Variants in UBAC2 observed in about 807,000 individuals in gnomAD.
UBAC2 encodes the protein ubiquitin-associated domain-containing protein 2.
Under a neutral mutation model 44.0 loss-of-function variants are expected in UBAC2, and 26 were observed. The ratio of observed to expected loss-of-function variants is 0.59; its 90% confidence interval spans 0.43 to 0.82. UBAC2 has a LOEUF of 0.82. Ranked by LOEUF, UBAC2 falls within the 40% of genes least tolerant of loss-of-function variation. UBAC2 has a pLI of 0.00. For synonymous variants in UBAC2, 155 were observed against 154.3 expected, an observed-to-expected ratio of 1.00 and a Z score of -0.04; for missense variants, 329 against 419.4, an observed-to-expected ratio of 0.78 and a Z score of 1.88.
intron 4 of UBAC2, chr13:99,294,551 T>A (rs1352203320): frequency 6.5e-6 from 1 of 152,990 alleles, no homozygotes; most frequent in Non-Finnish European, 1.5e-5. Flanking sequence ...TGCAGCATCC[T>A]GCTCTTTATT....
chr13:99,234,847 TG>T (rs2043216216), intron 1 of UBAC2, among the ~76,000 whole-genome samples: 2 of 152,140 alleles, frequency 1.3e-5, no homozygotes, highest in South Asian at 4.1e-4. Context: ...ATGACATACT[TG>T]GGGGAAATGT....
At chr13:99,282,913 A>G (rs766863033) in intron 4 of UBAC2, among the ~76,000 whole-genome samples, 4 of 152,210 alleles carry the variant, frequency 2.6e-5, no homozygotes, top group Non-Finnish European at 4.4e-5. Context: ...TGAAATATCT[A>G]ATGTGCTTGA....
At chr13:99,343,124 T>C (rs897838989) in intron 7 of UBAC2, among the ~76,000 whole-genome samples, 2 of 152,204 alleles carry the variant, frequency 1.3e-5, no homozygotes, top group African/African-American at 4.8e-5. Context: ...CAGCCCCACC[T>C]ATGCTGAGCC....
At chr13:99,282,405 T>C (rs2043965860) in intron 4 of UBAC2, among the ~76,000 whole-genome samples, 1 of 152,222 alleles carries the variant, frequency 6.6e-6, no homozygotes, top group African/African-American at 2.4e-5. Context: ...GTTGAGGCTA[T>C]TAGTAAAAAT....
chr13:99,283,772 T>C (rs911898319), intron 4 of UBAC2, among the ~76,000 whole-genome samples: 15 of 117,188 alleles, frequency 1.3e-4, no homozygotes, highest in African/African-American at 4.8e-4. Flanking sequence ...TCTTGCTCTT[T>C]TACCCAGGCC....
At chr13:99,350,067 ACC>A (rs1287959385) in intron 7 of UBAC2, among the ~76,000 whole-genome samples, 9 of 152,224 alleles carry the variant, frequency 5.9e-5, no homozygotes, top group Middle Eastern at 3.4e-3. Flanking sequence ...TCAGCACCTG[ACC>A]CTATGCCCGC....
intron 1 of UBAC2, among the ~76,000 whole-genome samples, chr13:99,213,002 A>G (rs2042951153): frequency 6.6e-6 from 1 of 152,190 alleles, no homozygotes. Context: ...TCCCACGCCC[A>G]CGTAACCATT....
At chr13:99,267,642 G>A (rs2043761023) in intron 4 of UBAC2, among the ~76,000 whole-genome samples, 1 of 152,140 alleles carries the variant, frequency 6.6e-6, no homozygotes, top group Non-Finnish European at 1.5e-5. Context: ...GCTTTCTTAT[G>A]CTCTGAAAGG....
chr13:99,318,539 G>A (rs2044524521), intron 6 of UBAC2, among the ~76,000 whole-genome samples: 2 of 150,824 alleles, frequency 1.3e-5, no homozygotes, highest in South Asian at 2.1e-4. Context: ...GGCCAGTCAC[G>A]GCCAGGCGCA....
chr13:99,243,233 C>CTTTTTTTTTTTTTTTT (rs773750160), intron 2 of UBAC2, among the ~76,000 whole-genome samples: 3 of 94,250 alleles, frequency 3.2e-5, no homozygotes, highest in Admixed American at 1.1e-4. Flanking sequence ...TTGAGTAGCT[C>CTTTTTTTTTTTTTTTT]TTTTTTTTTT....
intron 4 of UBAC2, among the ~76,000 whole-genome samples, chr13:99,305,163 G>A (rs1056352718): frequency 6.6e-5 from 10 of 152,178 alleles, no homozygotes; most frequent in Admixed American, 1.3e-4. Context: ...CTTTTATGCT[G>A]TTAATTGATT....
At chr13:99,368,686 A>AGTGT (rs1284291833) in intron 8 of UBAC2, among the ~76,000 whole-genome samples, 48 of 82,596 alleles carry the variant, frequency 5.8e-4, no homozygotes, top group Non-Finnish European at 6.9e-4. Flanking sequence ...AACTCATGAG[A>AGTGT]GAGTGTGTGT....
intron 4 of UBAC2, chr13:99,307,836 G>A (rs2044358919): frequency 6.6e-6 from 1 of 152,200 alleles, no homozygotes; most frequent in South Asian, 2.1e-4. Context: ...TGGTATCAGG[G>A]AGTAGTTTAC....
intron 4 of UBAC2, among the ~76,000 whole-genome samples, chr13:99,276,236 A>G (rs191638536): frequency 4.6e-5 from 7 of 152,242 alleles, no homozygotes; most frequent in Admixed American, 4.6e-4. Flanking sequence ...GACACTTTCT[A>G]CCTGGAGTTA....
At chr13:99,349,208 G>A (rs546113592) in intron 7 of UBAC2, among the ~76,000 whole-genome samples, 2 of 152,132 alleles carry the variant, frequency 1.3e-5, no homozygotes, top group Non-Finnish European at 2.9e-5. Context: ...ACAGCTTCAC[G>A]GTGCATGTCT....
At chr13:99,355,146 C>A (rs916104622) in intron 7 of UBAC2, among the ~76,000 whole-genome samples, 4 of 150,826 alleles carry the variant, frequency 2.7e-5, no homozygotes, top group African/African-American at 9.7e-5. Flanking sequence ...AGTTTCACCT[C>A]TGTTTCTGTC....
At chr13:99,373,706 G>A (rs1356391987) in intron 8 of UBAC2, among the ~76,000 whole-genome samples, 1 of 152,144 alleles carries the variant, frequency 6.6e-6, no homozygotes. Context: ...CGGATGGGTG[G>A]GCTGGAGTAG....
intron 6 of UBAC2, among the ~76,000 whole-genome samples, chr13:99,328,981 A>G (rs1056802226): frequency 6.6e-6 from 1 of 152,232 alleles, no homozygotes; most frequent in African/African-American, 2.4e-5. Context: ...CAGTTTGAGT[A>G]TAATTCTTTT....
chr13:99,273,829 G>T (rs1307019088), intron 4 of UBAC2, among the ~76,000 whole-genome samples: 1 of 148,116 alleles, frequency 6.8e-6, no homozygotes, highest in African/African-American at 2.5e-5. Context: ...CTATTACCTA[G>T]ATGTTCAGTC....
Sources: allele counts gnomAD v4.1 joint callset (sites outside exome capture counted in the v4.1 genomes callset), GRCh38; gene constraint gnomAD v4.1.1; transcripts MANE v1.5; gene names NCBI Gene and HGNC (gene_info 2026-07-23, HGNC 2026-07-21).